STARD3NL: variants seen among roughly 807,000 people sequenced by gnomAD.
STARD3NL encodes the protein STARD3 N-terminal-like protein.
In STARD3NL, 17 loss-of-function variants were observed where a neutral mutation model predicts 30.9. The observed-to-expected ratio is 0.55, with a 90% CI of 0.38 to 0.82. The LOEUF (loss-of-function observed/expected upper bound fraction) is 0.82, where lower values mean the gene tolerates loss of function less well. Ranked by LOEUF, STARD3NL falls within the 40% of genes least tolerant of loss-of-function variation. The probability of loss-of-function intolerance (pLI) is 0.00; values close to 1 mark genes in which losing one functional copy is unlikely to be tolerated. For synonymous variants in STARD3NL, 112 were observed against 100.5 expected (o/e 1.11, Z -0.69); for missense variants, 234 against 277.6 (o/e 0.84, Z 1.12).
At chr7:38,217,370 G>A in intron 6 of STARD3NL, 65 bp downstream of exon 6, 1 of 1,504,234 alleles carries the variant, frequency 6.6e-7, no homozygotes, top group Non-Finnish European at 9.2e-7. Context: ...GAAGAGATGT[G>A]GTTTCTTGGT....
chr7:38,205,091 A>G (rs954676459), intron 1 of STARD3NL, among the ~76,000 whole-genome samples: 3 of 152,198 alleles, frequency 2.0e-5, no homozygotes, highest in African/African-American at 7.2e-5. Context: ...TTCTGAAACT[A>G]TTCCAATCAA....
chr7:38,197,934 C>T (rs1289629726), intron 1 of STARD3NL, among the ~76,000 whole-genome samples: 1 of 152,210 alleles, frequency 6.6e-6, no homozygotes, highest in East Asian at 1.9e-4. Flanking sequence ...ACTTTTGTGT[C>T]ATTAACCAGG....
rs2116479274 is a variant in STARD3NL at position 38,230,228 on chromosome 7, T to A, written c.*323T>A. 6.5e-6 allele frequency: 1 copy of A among 152,812 alleles called. No homozygotes were observed. The highest frequency in any genetic ancestry group is 3.4e-3 in the Middle Eastern group (1 of 294). 9.5% of individuals were successfully genotyped at this position (152,812 alleles called of 1,614,324 possible). On this transcript the variant is annotated 3_prime_UTR_variant, in exon 9 of 9. Transcript: ENST00000009041. Reference sequence around the variant, plus strand: ...AATCAAAAGACTTAATATATTGAAGTAACACTTTTTTAGTAAGCAAGATAC... The same window carrying A: ...AATCAAAAGACTTAATATATTGAAGAAACACTTTTTTAGTAAGCAAGATAC...
At chr7:38,228,528 A>G (rs1446707625) in intron 7 of STARD3NL, among the ~76,000 whole-genome samples, 3 of 152,248 alleles carry the variant, frequency 2.0e-5, no homozygotes. Flanking sequence ...GTGATTGATA[A>G]TAGTTATTGG....
chr7:38,214,337 C>T lies in STARD3NL; in HGVS notation c.226-20C>T. On this transcript the variant is annotated intron_variant, in intron 2 of 8. Transcript: ENST00000009041. ...ACACATAAACCTCTCCTTGTTTTTG[C>T]TTCTTACTCTCCTTTCTAGGTGAAT... 2.6e-6 allele frequency: 4 copies of T among 1,540,438 alleles called. No individual in the cohort carries two copies. Among genetic ancestry groups the T allele is most frequent in the South Asian group, 2.3e-5 (2 of 85,578 alleles).
chr7:38,190,535 G>A (rs1339764839), intron 1 of STARD3NL, among the ~76,000 whole-genome samples: 4 of 152,142 alleles, frequency 2.6e-5, no homozygotes, highest in Admixed American at 6.5e-5. Flanking sequence ...ATGCCCTTAC[G>A]TTTTTCCGAA....
intron 1 of STARD3NL, among the ~76,000 whole-genome samples, chr7:38,202,965 G>T (rs1240603739): frequency 6.6e-6 from 1 of 151,924 alleles, no homozygotes; most frequent in Admixed American, 6.6e-5. Flanking sequence ...TCTTAATCCA[G>T]TCTATCATTG....
intron 4 of STARD3NL, chr7:38,215,861 G>C (rs889955011): frequency 3.3e-5 from 5 of 152,338 alleles, no homozygotes; most frequent in African/African-American, 1.2e-4. Flanking sequence ...GGTTTCTCCA[G>C]CTGGGAATAG....
intron 2 of STARD3NL, among the ~76,000 whole-genome samples, chr7:38,211,619 A>C (rs10254082): frequency 6.6e-6 from 1 of 152,012 alleles, no homozygotes; most frequent in South Asian, 2.1e-4. Context: ...ATTTACTGCA[A>C]TGGTGAGCTG....
intron 3 of STARD3NL, 145 bp downstream of exon 3, chr7:38,214,579 T>C (rs1384930460): frequency 9.1e-6 from 5 of 549,376 alleles, no homozygotes; most frequent in Middle Eastern, 4.8e-4. Flanking sequence ...CCCCACCCAT[T>C]CAATGTTCTC....
intron 2 of STARD3NL, 139 bp downstream of exon 2, chr7:38,207,868 G>C: frequency 2.6e-6 from 2 of 775,878 alleles, no homozygotes; most frequent in Non-Finnish European, 4.1e-6. Flanking sequence ...TTCTCCTCCT[G>C]ATTTGGACCT....
chr7:38,199,975 G>A (rs1165849578), intron 1 of STARD3NL, among the ~76,000 whole-genome samples: 1 of 152,134 alleles, frequency 6.6e-6, no homozygotes, highest in African/African-American at 2.4e-5. Flanking sequence ...GCTTTGCTGG[G>A]CAGGCAGCTC....
At position 38,229,985 on chromosome 7, in the gene STARD3NL, C is replaced by T. The variant is rs1284054264; in HGVS notation, c.*80C>T. The T allele has an allele frequency of 2.6e-5, 4 of 152,596 alleles. No homozygotes were observed. The highest frequency in any genetic ancestry group is 4.8e-5 in the African/African-American group (2 of 41,438). The allele number at this position is 152,596 out of a possible 1,614,324, so 9.5% of individuals were successfully genotyped here. A position where few individuals can be genotyped will look rare whatever the true frequency, so the allele number is the denominator to read the frequency against. ...GAGGCAGGCAGTGGAGTCTCCCTGT[C>T]GACAGTAAAGTTGAAATGGTGACGT... On this transcript the variant is annotated 3_prime_UTR_variant, in exon 9 of 9. Coordinates refer to ENST00000009041, the MANE Select transcript of STARD3NL (RefSeq NM_032016.4).
rs2116246086 is a variant in STARD3NL at position 38,207,705 on chromosome 7, A to G, written c.201A>G (p.Thr67=). The change falls in exon 2 of 9, where the codon ACA becomes ACG. Residue 67 remains threonine (T), a synonymous_variant. Coordinates refer to ENST00000009041, the MANE Select transcript of STARD3NL (RefSeq NM_032016.4). ...TCACCTTTGACCTCTTATTCGTAAC[A>G]TTACTGTGGATAATAGAGTTAAATG... is the stretch of plus-strand genomic sequence containing the variant. ...LFVTFDLLFV[T]LLWIIELNVN... is the part of the protein sequence containing the mutation. 6.2e-7 allele frequency: 1 copy of G among 1,614,018 alleles called. No individual in the cohort carries two copies. Among genetic ancestry groups the G allele is most frequent in the Non-Finnish European group, 8.5e-7 (1 of 1,179,932 alleles).
chr7:38,219,597 G>A lies in STARD3NL; in HGVS notation c.586G>A (p.Ala196Thr). 1 of 1,612,596 alleles carries A rather than the reference G, an allele frequency of 6.2e-7. No homozygotes were observed. Among genetic ancestry groups the A allele is most frequent in the Non-Finnish European group, 8.5e-7 (1 of 1,178,902 alleles). ...LLIVQDASERAALIPGGLSDG... is the reference protein window; with the variant it reads ...LLIVQDASERTALIPGGLSDG... ...GATAGTTCAGGATGCTTCAGAGAGG[G>A]CAGCACTTATACCTGGTGGTCTTTC... Residue 196 changes from alanine to threonine, a missense_variant, in exon 7 of 9, where the codon GCA (alanine) becomes ACA (threonine). By Grantham distance (58) the Ala-to-Thr change is moderately conservative. Coordinates refer to ENST00000009041, the MANE Select transcript of STARD3NL (RefSeq NM_032016.4).
At chr7:38,200,991 A>G (rs1461469338) in intron 1 of STARD3NL, among the ~76,000 whole-genome samples, 2 of 152,248 alleles carry the variant, frequency 1.3e-5, no homozygotes, top group African/African-American at 2.4e-5. Context: ...GTTTTTAAGT[A>G]AAAGTTTCAC....
In STARD3NL at chr7:38,217,202, G is replaced by A; in HGVS notation, c.450G>A (p.Gly150=). Residue 150 remains glycine (G), a synonymous_variant, in exon 6 of 9, where the codon GGG becomes GGA. Coordinates refer to ENST00000009041, the MANE Select transcript of STARD3NL (RefSeq NM_032016.4). ...GTATTTTCCAGCTTTTCTCTCAAGG[G>A]GCTTTTGGCTATGTGCTGCCCATCA... The part of the protein sequence containing the change: ...KVILSKLFSQ[G]AFGYVLPIIS... 1 of 1,614,004 alleles carries A rather than the reference G, an allele frequency of 6.2e-7. No individual in the cohort carries two copies.
rs1787012160 is a variant in STARD3NL, at chr7:38,230,065, C to T, written c.*160C>T. The stretch of plus-strand genomic sequence containing the variant: ...AAGATTTATTTATTGTAATACCTCA[C>T]AGACGTTGTACCATATCCATGCACA... On this transcript the variant is annotated 3_prime_UTR_variant, in exon 9 of 9. Coordinates refer to ENST00000009041, the MANE Select transcript of STARD3NL (RefSeq NM_032016.4). The T allele has an allele frequency of 6.6e-6, 1 of 152,624 alleles. No individual in the cohort carries two copies. The highest frequency in any genetic ancestry group is 1.5e-5 in the Non-Finnish European group (1 of 68,050). 9.5% of individuals were successfully genotyped at this position (152,624 alleles called of 1,614,324 possible).
At chr7:38,199,038 T>C (rs372265201) in intron 1 of STARD3NL, among the ~76,000 whole-genome samples, 14 of 152,330 alleles carry the variant, frequency 9.2e-5, no homozygotes, top group East Asian at 7.7e-4. Flanking sequence ...TAGTTACACA[T>C]TGGTATAAAA....
Sources: gnomAD v4.1 joint callset for allele counts (sites outside exome capture counted in the v4.1 genomes callset) on GRCh38, gnomAD v4.1.1 for gene constraint, MANE v1.5 for transcripts, NCBI Gene and HGNC (gene_info 2026-07-23, HGNC 2026-07-21) for gene names.